VWF: variants seen among roughly 807,000 people sequenced by gnomAD.
VWF encodes the protein von Willebrand factor.
VWF carries 176 observed loss-of-function variants against 308.6 expected under a neutral mutation model. That is an observed-to-expected ratio of 0.57 (90% CI 0.50 to 0.65). VWF has a LOEUF of 0.65. VWF is among the 30% of genes least tolerant of loss of function. VWF has a pLI of 0.00. For missense variants in VWF, 3,146 were observed against 3,648.2 expected (o/e 0.86, Z 3.55); for synonymous variants, 1,385 against 1,443.4 (o/e 0.96, Z 0.92).
rs765280267 is a variant in VWF, at chr12:6,034,297, C to T, written c.2685+391G>A. ...CCAGGGTGCTGGAAGGGAGGCTGAGCGGGACTGACTTCCCAGCCCAACCCA... is the reference window on the plus strand; with the variant it reads ...CCAGGGTGCTGGAAGGGAGGCTGAGTGGGACTGACTTCCCAGCCCAACCCA... On this transcript the variant is annotated intron_variant, in intron 20 of 51. Transcript: ENST00000261405. 7.9e-5 allele frequency among the ~76,000 whole-genome samples: 12 copies of T among 152,306 alleles called. No individual in the cohort carries two copies. In the South Asian group the frequency reaches 1.7e-3, roughly 21 times the overall value.
intron 47 of VWF, among the ~76,000 whole-genome samples, chr12:5,964,017 T>C (rs12307884): frequency 0.29 from 43,404 of 147,848 alleles, 6,525 homozygotes; most frequent in Middle Eastern, 0.46. Flanking sequence ...ACCATTCTGG[T>C]TAACACGGTG....
rs142044777 is a variant in VWF at position 6,106,599 on chromosome 12, C to T, written c.532+3775G>A. Among the ~76,000 whole-genome samples, 790 of 152,158 alleles carry T rather than the reference C, an allele frequency of 5.2e-3. 6 individuals are homozygous for T. Among genetic ancestry groups the T allele is most frequent in the African/African-American group, 0.018 (759 of 41,522 alleles). Reference sequence around the variant, plus strand: ...GTTAAGATAATAAATTTTGGCCAGGCGCGGTGGCTCACGCCTGTAATCCCA... The same window carrying T: ...GTTAAGATAATAAATTTTGGCCAGGTGCGGTGGCTCACGCCTGTAATCCCA... On this transcript the variant is annotated intron_variant, in intron 5 of 51. Transcript: ENST00000261405.
chr12:6,030,289 A>G (rs906637678), intron 21 of VWF, among the ~76,000 whole-genome samples: 3 of 152,202 alleles, frequency 2.0e-5, no homozygotes, highest in Non-Finnish European at 4.4e-5. Flanking sequence ...CTCTGCCCTA[A>G]ATAGAGCTGT....
chr12:5,985,086 A>G lies in VWF; in HGVS notation c.6935T>C (p.Leu2312Pro). The change falls in exon 40 of 52, where the codon CTC becomes CCC. Residue 2312 changes from leucine to proline, a missense_variant. Coordinates refer to ENST00000261405, the MANE Select transcript of VWF (RefSeq NM_000552.5). ...GCAGCACTGGTCTGCATTCTGGCGG[A>G]GGCGGGCTACTTCACACAGGCCACA... is the stretch of plus-strand genomic sequence containing the variant. ...PTCGLCEVAR[L>P]RQNADQCCPE... is the part of the protein sequence containing the mutation. The G allele has an allele frequency of 6.2e-7, 1 of 1,614,188 alleles. No individual in the cohort carries two copies. Among genetic ancestry groups the G allele is most frequent in the Non-Finnish European group, 8.5e-7 (1 of 1,180,034 alleles).
chr12:5,957,083 T>C (rs1943260105), intron 47 of VWF, among the ~76,000 whole-genome samples: 1 of 152,204 alleles, frequency 6.6e-6, no homozygotes, highest in Non-Finnish European at 1.5e-5. Flanking sequence ...TGTTTAGATA[T>C]ACAAATGCTA....
rs539827053 is a variant in VWF, at chr12:5,980,423, A to G, written c.7287+1363T>C. The stretch of plus-strand genomic sequence containing the variant: ...GGAAATACAGGGGATAGAGGAACAC[A>G]TTATGCAATACCATAAGGTGGCTGC... On this transcript the variant is annotated intron_variant, in intron 42 of 51. Coordinates refer to ENST00000261405, the MANE Select transcript of VWF (RefSeq NM_000552.5). 2.6e-5 allele frequency among the ~76,000 whole-genome samples: 4 copies of G among 152,306 alleles called. No individual in the cohort carries two copies. The South Asian group carries it at 8.3e-4, about 32-fold the overall frequency.
intron 34 of VWF, among the ~76,000 whole-genome samples, chr12:6,008,914 C>T (rs1943961391): frequency 6.6e-6 from 1 of 152,060 alleles, no homozygotes; most frequent in African/African-American, 2.4e-5. Flanking sequence ...GGACCCTTAC[C>T]TTATATCATA....
chr12:6,053,657 C>T (rs1377009332), intron 15 of VWF, among the ~76,000 whole-genome samples: 1 of 152,174 alleles, frequency 6.6e-6, no homozygotes, highest in Admixed American at 6.5e-5. Flanking sequence ...TGGGTTCACG[C>T]CCAGGTCCAC....
chr12:6,006,873 A>G (rs1943935123), intron 34 of VWF, among the ~76,000 whole-genome samples: 1 of 152,240 alleles, frequency 6.6e-6, no homozygotes, highest in Non-Finnish European at 1.5e-5. Flanking sequence ...AAGAATGCAC[A>G]TAGGTTTAAA....
chr12:5,965,743 T>G (rs1285614036), intron 47 of VWF, among the ~76,000 whole-genome samples: 1 of 151,982 alleles, frequency 6.6e-6, no homozygotes, highest in Admixed American at 6.6e-5. Flanking sequence ...CCAGGAGGTG[T>G]CCCAGAGACC....
intron 5 of VWF, among the ~76,000 whole-genome samples, chr12:6,103,431 CGTGTGTATATACAT>C (rs1945199922): frequency 9.0e-6 from 1 of 111,652 alleles, no homozygotes; most frequent in African/African-American, 4.3e-5. Flanking sequence ...TGTATACACA[CGTGTGTATATACAT>C]ACACATATAT....
At chr12:5,956,966 A>G (rs78818158) in intron 47 of VWF, among the ~76,000 whole-genome samples, 11,605 of 152,232 alleles carry the variant, frequency 0.076, 540 homozygotes, top group African/African-American at 0.13. Flanking sequence ...CTGACTCACC[A>G]AGAGCAACTT....
intron 34 of VWF, among the ~76,000 whole-genome samples, chr12:6,005,974 A>C: frequency 6.9e-6 from 1 of 144,544 alleles, no homozygotes; most frequent in South Asian, 2.2e-4. Flanking sequence ...ATATTTTAAT[A>C]CTATAATGAC....
chr12:6,029,939 C>G (rs748807392), intron 21 of VWF, among the ~76,000 whole-genome samples: 1 of 152,192 alleles, frequency 6.6e-6, no homozygotes, highest in Non-Finnish European at 1.5e-5. Flanking sequence ...CCACCTCCCC[C>G]TCCCCAGAGC....
At chr12:5,972,137 C>T (rs976632570) in intron 43 of VWF, among the ~76,000 whole-genome samples, 5 of 152,216 alleles carry the variant, frequency 3.3e-5, no homozygotes, top group African/African-American at 9.6e-5. Flanking sequence ...GACGAACACT[C>T]GATCCCAATA....
intron 38 of VWF, among the ~76,000 whole-genome samples, chr12:5,991,109 T>G (rs898594714): frequency 1.9e-4 from 29 of 150,698 alleles, no homozygotes; most frequent in African/African-American, 6.9e-4. Flanking sequence ...ATTTTTGTAT[T>G]TATGAGTGAC....
chr12:6,104,250 G>A (rs1945215163), intron 5 of VWF, among the ~76,000 whole-genome samples: 1 of 152,070 alleles, frequency 6.6e-6, no homozygotes, highest in South Asian at 2.1e-4. Flanking sequence ...AGTCACAACG[G>A]TTATTATTAA....
chr12:5,949,248 G>C (rs1403639509), intron 51 of VWF, 45 bp from the exon 52 acceptor site: 1 of 1,601,052 alleles, frequency 6.2e-7, no homozygotes, highest in Non-Finnish European at 8.5e-7. Context: ...ATGGTGGGAA[G>C]TCCTGGCTTA....
chr12:6,072,315 G>A lies in VWF; in HGVS notation c.1109+16C>T, dbSNP rs767638087. The A allele has an allele frequency of 1.6e-5, 26 of 1,611,176 alleles. No homozygotes were observed. The highest frequency in any genetic ancestry group is 2.2e-5 in the Non-Finnish European group (26 of 1,177,578). On this transcript the variant is annotated intron_variant, in intron 9 of 51. Transcript: ENST00000261405. Reference sequence around the variant, plus strand: ...CCAGGCAGGTCTCCCAGAGCACGCTGCGCAGCCCCCATTACCAGGTGTTGC... The same window carrying A: ...CCAGGCAGGTCTCCCAGAGCACGCTACGCAGCCCCCATTACCAGGTGTTGC...
Sources: gnomAD v4.1 joint callset for allele counts (sites outside exome capture counted in the v4.1 genomes callset) on GRCh38, gnomAD v4.1.1 for gene constraint, MANE v1.5 for transcripts, NCBI Gene and HGNC (gene_info 2026-07-23, HGNC 2026-07-21) for gene names.